The following SAMSN1 variants were observed in gnomAD, a reference collection of about 807,000 sequenced individuals.
SAMSN1 encodes SAM domain-containing protein SAMSN-1.
Under a neutral mutation model 42.0 loss-of-function variants are expected in SAMSN1, and 31 were observed. The ratio of observed to expected loss-of-function variants is 0.74; its 90% confidence interval spans 0.55 to 1.00. The LOEUF is 1.00. Ranked by LOEUF, SAMSN1 falls within the 50% of genes least tolerant of loss-of-function variation. The pLI, the probability that SAMSN1 is intolerant of heterozygous loss-of-function variation, is 0.00. For synonymous variants in SAMSN1, 178 were observed against 151.9 expected (o/e 1.17, Z -1.26); for missense variants, 464 against 439.4 (o/e 1.06, Z -0.50).
chr21:14,626,622 A>G (rs1423383735), intron 2 of SAMSN1, among the ~76,000 whole-genome samples: 1 of 152,208 alleles, frequency 6.6e-6, no homozygotes, highest in African/African-American at 2.4e-5. Flanking sequence ...AAAAGTCAGG[A>G]AACAACAGGG....
At chr21:14,528,977 G>A (rs142207551) in intron 1 of SAMSN1, among the ~76,000 whole-genome samples, 2 of 152,234 alleles carry the variant, frequency 1.3e-5, no homozygotes, top group African/African-American at 4.8e-5. Flanking sequence ...GAGAACTGAG[G>A]CTCAGAGTGT....
At chr21:14,656,806 A>T (rs917693975) in intron 1 of SAMSN1, among the ~76,000 whole-genome samples, 3 of 151,874 alleles carry the variant, frequency 2.0e-5, no homozygotes, top group African/African-American at 7.2e-5. Flanking sequence ...TAAATAAAAG[A>T]TGTTTAACTC....
At chr21:14,490,007 G>A (rs990206326) in intron 7 of SAMSN1, among the ~76,000 whole-genome samples, 5 of 152,056 alleles carry the variant, frequency 3.3e-5, no homozygotes, top group African/African-American at 1.2e-4. Flanking sequence ...ACTCTAAGAA[G>A]AGAAATCTGC....
chr21:14,525,083 T>C (rs1435921804), intron 1 of SAMSN1, among the ~76,000 whole-genome samples: 1 of 152,216 alleles, frequency 6.6e-6, no homozygotes, highest in Non-Finnish European at 1.5e-5. Flanking sequence ...TATATGTTCA[T>C]ACTTCAGCTA....
chr21:14,645,085 C>T (rs1983687672), intron 1 of SAMSN1, among the ~76,000 whole-genome samples: 1 of 152,170 alleles, frequency 6.6e-6, no homozygotes, highest in African/African-American at 2.4e-5. Flanking sequence ...GCCTGGGGGC[C>T]TTCAGTGCCC....
At chr21:14,569,916 T>TC (rs746850201) in intron 2 of SAMSN1, among the ~76,000 whole-genome samples, 47 of 152,264 alleles carry the variant, frequency 3.1e-4, no homozygotes, top group Non-Finnish European at 6.5e-4. Context: ...CTTTTTTTTT[T>TC]CTAAAAGGAA....
chr21:14,591,324 G>A (rs925889372), intron 7 of SAMSN1: 3 of 152,128 alleles, frequency 2.0e-5, no homozygotes, highest in Non-Finnish European at 2.9e-5. Context: ...TTTATCAGAT[G>A]AGGACCTAAT....
intron 1 of SAMSN1, among the ~76,000 whole-genome samples, chr21:14,537,616 C>T (rs1395405049): frequency 6.6e-6 from 1 of 152,004 alleles, no homozygotes; most frequent in Non-Finnish European, 1.5e-5. Context: ...AAAAGTGCTG[C>T]CAGGTTGGAA....
At chr21:14,643,080 T>A (rs1227463763) in exon 2 of SAMSN1, 1 of 717,390 alleles carries the variant, frequency 1.4e-6, no homozygotes, top group Admixed American at 2.0e-5. Context: ...ACATGTTTTC[T>A]TGGTTAGCTT....
chr21:14,589,086 G>T (rs1982007859), intron 7 of SAMSN1, among the ~76,000 whole-genome samples: 1 of 152,060 alleles, frequency 6.6e-6, no homozygotes, highest in African/African-American at 2.4e-5. Context: ...GAAGTGCTTG[G>T]TTAAATATAT....
chr21:14,516,791 G>T, intron 3 of SAMSN1, 101 bp downstream of exon 3: 2 of 948,246 alleles, frequency 2.1e-6, no homozygotes, highest in Non-Finnish European at 3.1e-6. Context: ...GAAAACAAAT[G>T]CTTAAGTACT....
intron 7 of SAMSN1, among the ~76,000 whole-genome samples, chr21:14,491,092 T>A (rs1436144181): frequency 6.6e-6 from 1 of 152,192 alleles, no homozygotes; most frequent in Non-Finnish European, 1.5e-5. Flanking sequence ...TCACACATTA[T>A]TTAATTAGGG....
upstream of SAMSN1, among the ~76,000 whole-genome samples, chr21:14,586,445 A>T (rs1280145930): frequency 1.3e-5 from 2 of 152,104 alleles, no homozygotes; most frequent in Admixed American, 1.3e-4. Context: ...TTAACCCATA[A>T]ATTAAACCTA....
At chr21:14,583,429 G>T, upstream of SAMSN1, 1 of 480,922 alleles carries the variant, frequency 2.1e-6, no homozygotes, top group Non-Finnish European at 3.7e-6. Context: ...ACTGTGTCTC[G>T]GAGCCCGGTC....
At chr21:14,615,736 T>G (rs1380450) in intron 3 of SAMSN1, among the ~76,000 whole-genome samples, 62,896 of 151,806 alleles carry the variant, frequency 0.41, 15,621 homozygotes, top group Non-Finnish European at 0.54. Flanking sequence ...GACACATGTT[T>G]CTTCTGAAAA....
At chr21:14,542,666 T>G (rs1306549132) in intron 1 of SAMSN1, among the ~76,000 whole-genome samples, 3 of 152,158 alleles carry the variant, frequency 2.0e-5, no homozygotes. Flanking sequence ...CAGTTGTGGT[T>G]GCTCATGCCT....
rs543685689 is a variant in SAMSN1, at chr21:14,610,261, C to T, written c.236-693G>A. Among the ~76,000 whole-genome samples the T allele has an allele frequency of 5.3e-5, 8 of 152,246 alleles. No homozygotes were observed. The East Asian group carries it at 7.7e-4, about 15-fold the overall frequency. Reference sequence around the variant, plus strand: ...CTGGGAAAAGAACGCATTCCCAGGGCGGGGCCTCTAAAATGGCCACCCTAG... The same window carrying T: ...CTGGGAAAAGAACGCATTCCCAGGGTGGGGCCTCTAAAATGGCCACCCTAG... On this transcript the variant is annotated intron_variant, in intron 4 of 15. Transcript: ENST00000647101.
intron 1 of SAMSN1, among the ~76,000 whole-genome samples, chr21:14,648,588 C>G (rs893023553): frequency 2.6e-5 from 4 of 151,994 alleles, no homozygotes; most frequent in African/African-American, 9.7e-5. Context: ...AAACAAACAA[C>G]CCCATCAAAA....
chr21:14,542,603 A>G (rs569630994), intron 1 of SAMSN1, among the ~76,000 whole-genome samples: 19 of 152,334 alleles, frequency 1.2e-4, no homozygotes, highest in African/African-American at 4.3e-4. Flanking sequence ...TATGCTTAAA[A>G]GTTTTTAAAA....
Sources: allele counts gnomAD v4.1 joint callset (sites outside exome capture counted in the v4.1 genomes callset), GRCh38; gene constraint gnomAD v4.1.1; transcripts MANE v1.5; gene names NCBI Gene and HGNC (gene_info 2026-07-23, HGNC 2026-07-21).